The following TBX15 variants were observed in gnomAD, a reference collection of about 807,000 sequenced individuals.
The protein encoded by TBX15 is T-box transcription factor TBX15.
TBX15 carries 18 observed loss-of-function variants against 53.9 expected under a neutral mutation model. That is an observed-to-expected ratio of 0.33 (90% CI 0.23 to 0.49). The LOEUF (loss-of-function observed/expected upper bound fraction) is 0.49, where lower values mean the gene tolerates loss of function less well. TBX15 is among the 20% of genes least tolerant of loss of function. The pLI is 0.98. For missense variants in TBX15, 692 were observed against 749.5 expected, an observed-to-expected ratio of 0.92 and a Z score of 0.90; for synonymous variants, 295 against 278.0, an observed-to-expected ratio of 1.06 and a Z score of -0.61.
chr1:118,934,971 A>T (rs6656528), intron 1 of TBX15, among the ~76,000 whole-genome samples: 44,012 of 152,124 alleles, frequency 0.29, 6,714 homozygotes, highest in Non-Finnish European at 0.32. Context: ...ACATGAATGC[A>T]TATGCAATCT....
intron 1 of TBX15, among the ~76,000 whole-genome samples, chr1:118,956,582 T>C (rs900456356): frequency 9.9e-5 from 15 of 152,232 alleles, no homozygotes; most frequent in Non-Finnish European, 2.1e-4. Flanking sequence ...TTAATCATTT[T>C]GGAAAATCAT....
chr1:118,943,587 G>A (rs927568035), intron 1 of TBX15, among the ~76,000 whole-genome samples: 5 of 152,170 alleles, frequency 3.3e-5, no homozygotes, highest in African/African-American at 1.2e-4. Context: ...TAAGGAAAAT[G>A]GGCCAGGGAG....
At chr1:118,985,094 T>C (rs761711258) in intron 1 of TBX15, among the ~76,000 whole-genome samples, 1 of 152,164 alleles carries the variant, frequency 6.6e-6, no homozygotes, top group Non-Finnish European at 1.5e-5. Flanking sequence ...CATGAACGTG[T>C]GCGTGTGTGT....
intron 1 of TBX15, among the ~76,000 whole-genome samples, chr1:118,953,908 T>C (rs535647098): frequency 6.6e-6 from 1 of 152,324 alleles, no homozygotes; most frequent in Admixed American, 6.5e-5. Flanking sequence ...ACGAGAATAT[T>C]GTGAGCTACC....
At chr1:118,898,622 T>C (rs541686120) in intron 7 of TBX15, among the ~76,000 whole-genome samples, 6 of 152,228 alleles carry the variant, frequency 3.9e-5, no homozygotes, top group African/African-American at 1.4e-4. Context: ...ATTCCCATTG[T>C]CCAGAGCTAA....
At chr1:118,987,421 G>A (rs1657874346) in intron 1 of TBX15, among the ~76,000 whole-genome samples, 170 bp downstream of exon 1, 1 of 152,218 alleles carries the variant, frequency 6.6e-6, no homozygotes, top group South Asian at 2.1e-4. Flanking sequence ...CCAAAAATTG[G>A]TTCCGGTGAA....
intron 7 of TBX15, chr1:118,890,818 A>C (rs769787729): frequency 8.4e-7 from 1 of 1,194,744 alleles, no homozygotes. Context: ...AAAAACAGTA[A>C]GGCAAAACCC....
intron 1 of TBX15, among the ~76,000 whole-genome samples, chr1:118,980,161 T>C (rs1657599678): frequency 6.6e-6 from 1 of 152,050 alleles, no homozygotes; most frequent in Non-Finnish European, 1.5e-5. Context: ...GTTTTCATCG[T>C]GCGTGGAGGA....
chr1:118,914,917 C>T (rs1655149456), intron 5 of TBX15, among the ~76,000 whole-genome samples: 1 of 152,128 alleles, frequency 6.6e-6, no homozygotes, highest in Admixed American at 6.6e-5. Flanking sequence ...CTAGCACATC[C>T]AATTGTGTCA....
intron 7 of TBX15, among the ~76,000 whole-genome samples, chr1:118,898,215 C>G (rs1364693907): frequency 6.6e-6 from 1 of 152,148 alleles, no homozygotes; most frequent in Non-Finnish European, 1.5e-5. Flanking sequence ...AGAGTCTATG[C>G]TTTTAATCAC....
At chr1:118,959,926 G>C (rs1006120928) in intron 1 of TBX15, among the ~76,000 whole-genome samples, 3 of 152,108 alleles carry the variant, frequency 2.0e-5, no homozygotes, top group African/African-American at 7.2e-5. Flanking sequence ...GCTTCCCAGA[G>C]AAAAGCCCTA....
At chr1:118,966,769 T>C (rs1306586540) in intron 1 of TBX15, among the ~76,000 whole-genome samples, 1 of 152,260 alleles carries the variant, frequency 6.6e-6, no homozygotes, top group Non-Finnish European at 1.5e-5. Context: ...TCATCTTCTA[T>C]GTTTTTGAGA....
rs761076205 is a variant in TBX15, at chr1:118,884,822, G to A, written c.1719C>T (p.Pro573=). Residue 573 remains proline (P), a synonymous_variant, in exon 8 of 8, where the codon CCC becomes CCT. Coordinates refer to ENST00000369429, the MANE Select transcript of TBX15 (RefSeq NM_001330677.2). ...EHSMHMISPS[P]NNQQATNTCD... ...AAGTGTTGGTTGCCTGTTGGTTATT[G>A]GGTGAAGGGCTAATCATGTGCATGC... 6.2e-7 allele frequency: 1 copy of A among 1,614,130 alleles called. No homozygotes were observed.
chr1:118,929,512 C>G (rs1032202908), intron 2 of TBX15, among the ~76,000 whole-genome samples: 2 of 152,146 alleles, frequency 1.3e-5, no homozygotes, highest in African/African-American at 4.8e-5. Context: ...GATGTAGTAA[C>G]AACAGTTGAG....
chr1:118,924,538 G>A, intron 4 of TBX15, 108 bp downstream of exon 4: 1 of 1,288,408 alleles, frequency 7.8e-7, no homozygotes, highest in Admixed American at 1.7e-5. Flanking sequence ...TACTTAAAGT[G>A]GCATAGAGAT....
chr1:118,920,421 A>G (rs1655388943), intron 5 of TBX15, among the ~76,000 whole-genome samples: 2 of 152,200 alleles, frequency 1.3e-5, no homozygotes, highest in Admixed American at 6.5e-5. Context: ...GAAAAGAAAA[A>G]GGGACATACA....
intron 1 of TBX15, among the ~76,000 whole-genome samples, chr1:118,961,011 G>T (rs1656855538): frequency 6.6e-6 from 1 of 152,212 alleles, no homozygotes; most frequent in Non-Finnish European, 1.5e-5. Context: ...GGGAGCAAAA[G>T]AAGTGAGTGG....
At chr1:118,967,723 A>AT (rs1422903163) in intron 1 of TBX15, among the ~76,000 whole-genome samples, 5 of 152,346 alleles carry the variant, frequency 3.3e-5, no homozygotes, top group African/African-American at 1.2e-4. Flanking sequence ...AAGAGTTGCA[A>AT]ATGTTGAGCA....
intron 5 of TBX15, among the ~76,000 whole-genome samples, chr1:118,919,245 G>T (rs1296694403): frequency 1.3e-5 from 2 of 152,192 alleles, no homozygotes; most frequent in African/African-American, 4.8e-5. Context: ...AGAAGACAAA[G>T]ACTTTGCAAT....
Sources: gnomAD v4.1 joint callset for allele counts (sites outside exome capture counted in the v4.1 genomes callset) on GRCh38, gnomAD v4.1.1 for gene constraint, MANE v1.5 for transcripts, NCBI Gene and HGNC (gene_info 2026-07-23, HGNC 2026-07-21) for gene names.